The following DACH2 variants were observed in gnomAD, a reference collection of about 807,000 sequenced individuals.
The protein encoded by DACH2 is dachshund homolog 2.
Under a neutral mutation model 35.8 loss-of-function variants are expected in DACH2, and 17 were observed. That is an observed-to-expected ratio of 0.48 (90% CI 0.33 to 0.71). The LOEUF is 0.71. Ranked by LOEUF, DACH2 falls within the 30% of genes least tolerant of loss-of-function variation. The pLI is 0.02. For synonymous variants in DACH2, 195 were observed against 177.3 expected, an observed-to-expected ratio of 1.10 and a Z score of -0.79; for missense variants, 469 against 472.7, an observed-to-expected ratio of 0.99 and a Z score of 0.07.
intron 1 of DACH2, among the ~76,000 whole-genome samples, chrX:86,332,425 A>G (rs1211721661): frequency 9.0e-6 from 1 of 111,658 alleles, no homozygotes; most frequent in Non-Finnish European, 1.9e-5. Context: ...TTTAATCCCT[A>G]AAGAGTAAAA....
At chrX:86,588,657 T>G (rs986926079) in intron 3 of DACH2, among the ~76,000 whole-genome samples, 6 of 111,428 alleles carry the variant, frequency 5.4e-5, no homozygotes, top group African/African-American at 2.0e-4. Context: ...GATTTGGCTC[T>G]CAGCTTGGAA....
At chrX:86,513,979 G>A (rs1192746640) in intron 2 of DACH2, among the ~76,000 whole-genome samples, 1 of 111,535 alleles carries the variant, frequency 9.0e-6, no homozygotes, top group Admixed American at 9.5e-5. Flanking sequence ...AGCTTTAAAA[G>A]CAGGGGTAAC....
intron 1 of DACH2, among the ~76,000 whole-genome samples, chrX:86,317,334 A>G (rs190661786): frequency 1.9e-3 from 209 of 111,321 alleles, no homozygotes; most frequent in African/African-American, 6.5e-3. Context: ...TCTGGGTTAT[A>G]GGTTATCTGG....
intron 4 of DACH2, among the ~76,000 whole-genome samples, chrX:86,685,254 AG>A (rs901172789): frequency 8.9e-6 from 1 of 111,833 alleles, no homozygotes; most frequent in Non-Finnish European, 1.9e-5. Context: ...AATAAATAAA[AG>A]TCTAGGGCTG....
At chrX:86,799,124 G>A (rs2042267118) in intron 7 of DACH2, 3 of 325,705 alleles carry the variant, frequency 9.2e-6, no homozygotes, top group Non-Finnish European at 1.8e-5. Context: ...CCATTCACTG[G>A]GGGTGCAGCA....
At chrX:86,633,680 C>A (rs767482050) in intron 3 of DACH2, among the ~76,000 whole-genome samples, 9 of 111,240 alleles carry the variant, frequency 8.1e-5, no homozygotes, top group Non-Finnish European at 1.7e-4. Flanking sequence ...GGCCAATATC[C>A]CCAATGAACA....
chrX:86,401,212 G>A (rs1358118428), intron 2 of DACH2, among the ~76,000 whole-genome samples: 2 of 112,507 alleles, frequency 1.8e-5, no homozygotes, highest in African/African-American at 6.5e-5. Flanking sequence ...TGTGCCATTT[G>A]TTAAGCCCGT....
intron 1 of DACH2, among the ~76,000 whole-genome samples, chrX:86,276,213 A>T (rs2033913544): frequency 8.9e-6 from 1 of 111,911 alleles, no homozygotes; most frequent in African/African-American, 3.2e-5. Flanking sequence ...TGTCTTTTGG[A>T]TATAAGCCAT....
At chrX:86,786,509 C>T (rs1232775756) in intron 7 of DACH2, among the ~76,000 whole-genome samples, 1 of 111,903 alleles carries the variant, frequency 8.9e-6, no homozygotes, top group East Asian at 2.8e-4. Flanking sequence ...TGGATAGAAG[C>T]AGCATGTCCA....
At chrX:86,771,369 C>G in intron 7 of DACH2, among the ~76,000 whole-genome samples, 1 of 112,386 alleles carries the variant, frequency 8.9e-6, no homozygotes. Flanking sequence ...CATTAAATTT[C>G]AAATTGAAAG....
intron 1 of DACH2, among the ~76,000 whole-genome samples, chrX:86,276,303 A>G (rs968729850): frequency 1.2e-4 from 14 of 112,359 alleles, no homozygotes; most frequent in Non-Finnish European, 1.9e-5. Flanking sequence ...TCACCTTTTC[A>G]TGTACCTGTT....
chrX:86,516,367 T>A (rs2038467283), intron 3 of DACH2, among the ~76,000 whole-genome samples: 1 of 111,481 alleles, frequency 9.0e-6, no homozygotes, highest in Non-Finnish European at 1.9e-5. Context: ...TGAAGCTAAA[T>A]CATGTTGAGT....
At chrX:86,768,038 TAG>T (rs1219390734) in intron 7 of DACH2, among the ~76,000 whole-genome samples, 3 of 111,543 alleles carry the variant, frequency 2.7e-5, no homozygotes, top group African/African-American at 9.8e-5. Context: ...GATACAGCTA[TAG>T]AGAGTTAGTA....
At position 86,249,373 on chromosome X, in the gene DACH2, A is replaced by C. The variant is rs766114200; in HGVS notation, c.488+100265A>C. Among the ~76,000 whole-genome samples, 98 of 111,388 alleles carry C rather than the reference A, an allele frequency of 8.8e-4. 1 individual carries two copies. Among genetic ancestry groups the C allele is most frequent in the Middle Eastern group, 4.6e-3 (1 of 218 alleles). ...AATGAACAAGAAAAAGAAACACCCT[A>C]TTGAAAAATGGGCAAAGGACATGAA... On this transcript the variant is annotated intron_variant, in intron 1 of 11. Coordinates refer to ENST00000373125, the MANE Select transcript of DACH2 (RefSeq NM_053281.3).
intron 7 of DACH2, among the ~76,000 whole-genome samples, chrX:86,807,606 G>A (rs887691993): frequency 3.6e-5 from 4 of 111,734 alleles, no homozygotes; most frequent in African/African-American, 1.3e-4. Context: ...AGGATTTTGG[G>A]ACACAGTTGG....
chrX:86,664,039 G>A (rs1339792401), intron 4 of DACH2, among the ~76,000 whole-genome samples: 1 of 111,896 alleles, frequency 8.9e-6, no homozygotes, highest in Non-Finnish European at 1.9e-5. Flanking sequence ...ATAGGCAGCA[G>A]TGTCTATGAA....
At chrX:86,289,459 T>C (rs1185679946) in intron 1 of DACH2, among the ~76,000 whole-genome samples, 2 of 108,098 alleles carry the variant, frequency 1.9e-5, no homozygotes, top group African/African-American at 6.7e-5. Flanking sequence ...TTAGGGAACA[T>C]GTGCATAATG....
chrX:86,335,444 G>A (rs891447199), intron 1 of DACH2, among the ~76,000 whole-genome samples: 1 of 111,137 alleles, frequency 9.0e-6, no homozygotes, highest in Non-Finnish European at 1.9e-5. Flanking sequence ...GTGGTTTGTA[G>A]TTCTCCTTGA....
At chrX:86,740,392 G>A (rs2041641639) in intron 7 of DACH2, among the ~76,000 whole-genome samples, 1 of 107,543 alleles carries the variant, frequency 9.3e-6, no homozygotes, top group African/African-American at 3.4e-5. Context: ...TAGGGTACAT[G>A]TGCACAATGT....
Sources: gnomAD v4.1 joint callset for allele counts (sites outside exome capture counted in the v4.1 genomes callset) on GRCh38, gnomAD v4.1.1 for gene constraint, MANE v1.5 for transcripts, NCBI Gene and HGNC (gene_info 2026-07-23, HGNC 2026-07-21) for gene names.